Variants in ADAMTSL3 observed in about 807,000 individuals in gnomAD.
The protein encoded by ADAMTSL3 is ADAMTS like 3, also known as ADAMTS-like protein 3.
In ADAMTSL3, 128 loss-of-function variants were observed where a neutral mutation model predicts 201.7. The ratio of observed to expected loss-of-function variants is 0.63; its 90% CI spans 0.55 to 0.73. ADAMTSL3 has a LOEUF of 0.73. Among genes scored for constraint, ADAMTSL3 ranks in the 30% least tolerant of loss-of-function variants. ADAMTSL3 has a pLI of 0.00. For synonymous variants in ADAMTSL3, 738 were observed against 748.4 expected, an observed-to-expected ratio of 0.99 and a Z score of 0.23; for missense variants, 1,990 against 2,119.6, an observed-to-expected ratio of 0.94 and a Z score of 1.20.
chr15:83,811,974 C>T (rs1309910253), intron 5 of ADAMTSL3, among the ~76,000 whole-genome samples: 1 of 152,144 alleles, frequency 6.6e-6, no homozygotes, highest in Non-Finnish European at 1.5e-5. Context: ...ATAAATGCAG[C>T]CCCAGCTTCA....
intron 6 of ADAMTSL3, among the ~76,000 whole-genome samples, chr15:83,829,463 T>C (rs1204859825): frequency 6.6e-6 from 1 of 152,132 alleles, no homozygotes; most frequent in East Asian, 1.9e-4. Flanking sequence ...TTTGTTGATC[T>C]TTTCAAAAAA....
In ADAMTSL3 at chr15:83,671,338, A is replaced by C. The variant is rs146025045; in HGVS notation, c.69+15508A>C. 1.5e-3 allele frequency among the ~76,000 whole-genome samples: 223 copies of C among 152,318 alleles called. 1 individual carries two copies. In the East Asian group the frequency reaches 0.024, roughly 16 times the overall value. On this transcript the variant is annotated intron_variant, in intron 2 of 29. Coordinates refer to ENST00000286744, the MANE Select transcript of ADAMTSL3 (RefSeq NM_207517.3). Reference sequence around the variant, plus strand: ...CTTTGACGTCCTCTTTACTTTTTATACAATTGTTGGTGTGTTCGGGATTTC... The same window carrying C: ...CTTTGACGTCCTCTTTACTTTTTATCCAATTGTTGGTGTGTTCGGGATTTC...
At chr15:83,934,632 A>G (rs1258681306) in intron 17 of ADAMTSL3, among the ~76,000 whole-genome samples, 1 of 152,160 alleles carries the variant, frequency 6.6e-6, no homozygotes, top group Non-Finnish European at 1.5e-5. Context: ...TTGTGTCCCC[A>G]CCGAAATATC....
intron 2 of ADAMTSL3, among the ~76,000 whole-genome samples, chr15:83,691,740 G>T (rs1288154429): frequency 6.6e-6 from 1 of 152,008 alleles, no homozygotes; most frequent in Non-Finnish European, 1.5e-5. Context: ...TCAGCCTCCC[G>T]AGTAGCTGGG....
At chr15:83,780,893 CTAACCAGG>C (rs1211692100) in intron 4 of ADAMTSL3, among the ~76,000 whole-genome samples, 10 of 152,126 alleles carry the variant, frequency 6.6e-5, no homozygotes, top group African/African-American at 2.4e-4. Flanking sequence ...AGGAATACAG[CTAACCAGG>C]GAGGTAGAAT....
At chr15:83,750,771 C>T (rs373537640) in intron 3 of ADAMTSL3, among the ~76,000 whole-genome samples, 97 of 152,188 alleles carry the variant, frequency 6.4e-4, no homozygotes, top group Middle Eastern at 3.4e-3. Context: ...AGGATGGTCT[C>T]GATCTCTTGA....
At chr15:83,823,942 T>TTC (rs1339943783) in intron 6 of ADAMTSL3, among the ~76,000 whole-genome samples, 1 of 101,304 alleles carries the variant, frequency 9.9e-6, no homozygotes, top group East Asian at 3.4e-4. Context: ...TTCTTCTTCT[T>TTC]CTTCTTCTTC....
chr15:83,740,893 A>G (rs2062443657), intron 3 of ADAMTSL3, among the ~76,000 whole-genome samples: 1 of 152,170 alleles, frequency 6.6e-6, no homozygotes, highest in South Asian at 2.1e-4. Flanking sequence ...AATTCCTAAA[A>G]AATACAGAAA....
chr15:83,942,943 T>A lies in ADAMTSL3; in HGVS notation c.2351T>A (p.Val784Asp), dbSNP rs755719464. 6.2e-7 allele frequency: 1 copy of A among 1,610,992 alleles called. No homozygotes were observed. Among genetic ancestry groups the A allele is most frequent in the East Asian group, 2.2e-5 (1 of 44,824 alleles). The change falls in exon 19 of 30, where the codon GTC becomes GAC. Residue 784 changes from valine (V) to aspartate (D), a missense_variant. Physicochemically the swap from Val to Asp is radical, Grantham distance 152. Transcript: ENST00000286744. ...GGCGGGGGAACTCAGAACAGAAGAG[T>A]CACCTGTCGGCAGCTGCTAACGGAT... ...TCGGGTQNRR[V>D]TCRQLLTDGS...
At chr15:84,021,710 C>CTAG in intron 26 of ADAMTSL3, 117 bp downstream of exon 26, 1 of 1,071,870 alleles carries the variant, frequency 9.3e-7, no homozygotes, top group Non-Finnish European at 1.3e-6. Context: ...TTACTGTATA[C>CTAG]TAGGCATCCT....
intron 4 of ADAMTSL3, among the ~76,000 whole-genome samples, chr15:83,775,385 A>G (rs1486732162): frequency 2.6e-5 from 4 of 151,960 alleles, no homozygotes; most frequent in Admixed American, 6.6e-5. Flanking sequence ...GTTAAAGAGA[A>G]TTTAGAGGAA....
chr15:83,802,082 A>G (rs937881962), intron 4 of ADAMTSL3, among the ~76,000 whole-genome samples: 1 of 152,124 alleles, frequency 6.6e-6, no homozygotes, highest in Admixed American at 6.6e-5. Flanking sequence ...TTGAGGAAAA[A>G]GAAGTAACAT....
chr15:83,788,140 A>C (rs529247069), intron 4 of ADAMTSL3, among the ~76,000 whole-genome samples: 2 of 152,166 alleles, frequency 1.3e-5, no homozygotes, highest in Admixed American at 6.5e-5. Flanking sequence ...TAGTTTTTAC[A>C]TGCTTATCAC....
At chr15:84,017,879 C>T (rs1438151190) in intron 25 of ADAMTSL3, among the ~76,000 whole-genome samples, 1 of 152,124 alleles carries the variant, frequency 6.6e-6, no homozygotes, top group Admixed American at 6.5e-5. Context: ...TACTGTAAAG[C>T]ACTGGGACAA....
At chr15:83,843,492 C>T (rs923905453) in intron 7 of ADAMTSL3, among the ~76,000 whole-genome samples, 1 of 152,180 alleles carries the variant, frequency 6.6e-6, no homozygotes, top group African/African-American at 2.4e-5. Context: ...AGCTCTGAAA[C>T]TGACCAGCTG....
At chr15:83,944,555 C>T (rs2066620339) in intron 19 of ADAMTSL3, among the ~76,000 whole-genome samples, 1 of 152,148 alleles carries the variant, frequency 6.6e-6, no homozygotes, top group African/African-American at 2.4e-5. Flanking sequence ...CCTACGATAG[C>T]CCCAGAAGCA....
chr15:83,802,238 T>C (rs2063535673), intron 4 of ADAMTSL3, among the ~76,000 whole-genome samples: 1 of 152,166 alleles, frequency 6.6e-6, no homozygotes, highest in African/African-American at 2.4e-5. Context: ...GGACTGGGAT[T>C]TGTTTTAAAA....
At chr15:83,772,572 T>C (rs1010551985) in intron 3 of ADAMTSL3, among the ~76,000 whole-genome samples, 5 of 152,220 alleles carry the variant, frequency 3.3e-5, no homozygotes, top group African/African-American at 1.2e-4. Flanking sequence ...TGGCCAACTA[T>C]GTTCATATGA....
At chr15:83,703,771 AAC>A (rs2061808172) in intron 2 of ADAMTSL3, among the ~76,000 whole-genome samples, 1 of 152,176 alleles carries the variant, frequency 6.6e-6, no homozygotes. Context: ...CCATGAACTA[AAC>A]ACAGTCTACA....
Sources: gnomAD v4.1 joint callset for allele counts (sites outside exome capture counted in the v4.1 genomes callset) on GRCh38, gnomAD v4.1.1 for gene constraint, MANE v1.5 for transcripts, NCBI Gene and HGNC (gene_info 2026-07-23, HGNC 2026-07-21) for gene names.